The following MS4A14 variants were observed in gnomAD, a reference collection of about 807,000 sequenced individuals.
The protein encoded by MS4A14 is membrane spanning 4-domains A14.
A neutral mutation model predicts 16.7 loss-of-function variants in MS4A14; 18 were observed. That is an observed-to-expected ratio of 1.08 (90% confidence interval 0.75 to 1.60). The LOEUF is 1.60. Among genes scored for constraint, MS4A14 ranks in the 40% most tolerant of loss-of-function variants. MS4A14 has a pLI of 0.00. For synonymous variants in MS4A14, 305 were observed against 289.4 expected (o/e 1.05, Z -0.55); for missense variants, 812 against 775.3 (o/e 1.05, Z -0.56).
chr11:60,401,956 G>C (rs2085719820), intron 3 of MS4A14, among the ~76,000 whole-genome samples: 1 of 152,182 alleles, frequency 6.6e-6, no homozygotes, highest in African/African-American at 2.4e-5. Context: ...TTCCAGAAAG[G>C]ACTGGCTGTG....
At position 60,399,802 on chromosome 11, in the gene MS4A14, T is replaced by C. The variant is rs918294746; in HGVS notation, c.268-602T>C. Reference sequence around the variant, plus strand: ...GTATCAAAGGTAACTTTCTGATCTCTGCAAGTCAGCTGCAGATCCTTGGAC... The same window carrying C: ...GTATCAAAGGTAACTTTCTGATCTCCGCAAGTCAGCTGCAGATCCTTGGAC... On this transcript the variant is annotated intron_variant, in intron 2 of 4. Coordinates refer to ENST00000300187, the MANE Select transcript of MS4A14 (RefSeq NM_032597.5). Among the ~76,000 whole-genome samples, 4 of 152,240 alleles carry C rather than the reference T, an allele frequency of 2.6e-5. No individual in the cohort carries two copies. The East Asian group carries it at 7.7e-4, about 29-fold the overall frequency.
chr11:60,406,032 G>A, intron 4 of MS4A14: 1 of 1,221,910 alleles, frequency 8.2e-7, no homozygotes, highest in Non-Finnish European at 1.1e-6. Flanking sequence ...ACAGGTTCCT[G>A]TTCCTGTTGG....
intron 4 of MS4A14, among the ~76,000 whole-genome samples, chr11:60,411,094 C>T (rs1421052666): frequency 6.6e-6 from 1 of 152,218 alleles, no homozygotes; most frequent in Admixed American, 6.5e-5. Flanking sequence ...GATCCACCCG[C>T]CTCGGCCTCC....
In MS4A14 at chr11:60,397,905, A is replaced by C. The variant is rs759827441; in HGVS notation, c.192A>C (p.Ala64=). The change falls in exon 2 of 5, where the codon GCA becomes GCC. Residue 64 remains alanine (A), a synonymous_variant. Transcript: ENST00000300187. ...LIIVGFGTIF[A]LNYIGFSQRL... ...TTGTGGGCTTTGGAACTATATTTGCACTTAATTACATCGGTTTCTCCCAAA... is the reference window on the plus strand; with the variant it reads ...TTGTGGGCTTTGGAACTATATTTGCCCTTAATTACATCGGTTTCTCCCAAA... 1.2e-6 allele frequency: 2 copies of C among 1,613,370 alleles called. No individual in the cohort carries two copies. Among genetic ancestry groups the C allele is most frequent in the Non-Finnish European group, 1.7e-6 (2 of 1,179,516 alleles).
chr11:60,415,436 G>T lies in MS4A14; in HGVS notation c.469-1G>T. ...AATTACCCTCATCCTTGCTTTTATA[G>T]GTTCTGTTTTTCTTGCCTTCGGATG... is the stretch of plus-strand genomic sequence containing the variant. On this transcript the variant is annotated splice_acceptor_variant, in intron 4 of 4. Transcript: ENST00000300187. LOFTEE classifies it high-confidence loss of function. The T allele has an allele frequency of 1.9e-6, 3 of 1,594,450 alleles. No individual in the cohort carries two copies. The highest frequency in any genetic ancestry group is 2.6e-6 in the Non-Finnish European group (3 of 1,172,690).
In MS4A14 at chr11:60,416,177, A is replaced by G. The variant is rs2135156954; in HGVS notation, c.1209A>G (p.Gln403=). 1 of 1,613,620 alleles carries G rather than the reference A, an allele frequency of 6.2e-7. No homozygotes were observed. The highest frequency in any genetic ancestry group is 1.3e-5 in the African/African-American group (1 of 74,988). Residue 403 remains glutamine (Q), a synonymous_variant, in exon 5 of 5, where the codon CAA becomes CAG. Coordinates refer to ENST00000300187, the MANE Select transcript of MS4A14 (RefSeq NM_032597.5). ...TGCCACCTCAAGACATACCTTCCCA[A>G]GATATGCTATCCCAAGCTCTATCAG... ...HAMPPQDIPS[Q]DMLSQALSAH... is the part of the protein sequence containing the mutation.
chr11:60,398,543 C>T (rs1006732766), intron 2 of MS4A14, among the ~76,000 whole-genome samples: 1 of 152,150 alleles, frequency 6.6e-6, no homozygotes, highest in African/African-American at 2.4e-5. Context: ...TAAGGACAGA[C>T]TCATTAGAGC....
At chr11:60,399,706 G>A (rs1381012869) in intron 2 of MS4A14, among the ~76,000 whole-genome samples, 2 of 152,158 alleles carry the variant, frequency 1.3e-5, no homozygotes. Context: ...GAGATGGAGA[G>A]CCTTGAGAGT....
At chr11:60,405,988 G>A (rs1456813482) in intron 4 of MS4A14, 3 of 1,505,484 alleles carry the variant, frequency 2.0e-6, no homozygotes, top group East Asian at 2.5e-5. Flanking sequence ...GTCAGATGAG[G>A]TGTGTTCTGA....
intron 4 of MS4A14, among the ~76,000 whole-genome samples, chr11:60,411,028 TAG>T (rs1467939492): frequency 6.6e-6 from 1 of 152,100 alleles, no homozygotes; most frequent in African/African-American, 2.4e-5. Context: ...GTATTTTTAG[TAG>T]AGACGAGGTT....
At chr11:60,397,360 T>G (rs2085641504) in intron 1 of MS4A14, among the ~76,000 whole-genome samples, 1 of 152,116 alleles carries the variant, frequency 6.6e-6, no homozygotes, top group African/African-American at 2.4e-5. Context: ...GGTTCTCCAC[T>G]CTATGTCATC....
intron 4 of MS4A14, among the ~76,000 whole-genome samples, chr11:60,410,846 T>C (rs1416781935): frequency 1.3e-5 from 2 of 151,856 alleles, no homozygotes; most frequent in Non-Finnish European, 2.9e-5. Flanking sequence ...TTTTTTTGTT[T>C]GTTTTTTGTT....
Position 60,416,960 on chromosome 11 carries a change from A to G in MS4A14, c.1992A>G (p.Gly664=). ...TCCACAAAGGCAATCTCCAGGCTGGACAACCCAGGACTGTCAATCTTTTGG... is the reference window on the plus strand; with the variant it reads ...TCCACAAAGGCAATCTCCAGGCTGGGCAACCCAGGACTGTCAATCTTTTGG... ...WQFHKGNLQA[G]QPRTVNLLAK... is the part of the protein sequence containing the mutation. Residue 664 remains glycine, a synonymous_variant, in exon 5 of 5, where the codon GGA becomes GGG. Transcript: ENST00000300187. 6.2e-7 allele frequency: 1 copy of G among 1,613,456 alleles called. No homozygotes were observed. The highest frequency in any genetic ancestry group is 8.5e-7 in the Non-Finnish European group (1 of 1,179,618).
intron 3 of MS4A14, among the ~76,000 whole-genome samples, chr11:60,401,634 TAAC>T (rs1429196536): frequency 2.6e-5 from 4 of 152,178 alleles, no homozygotes; most frequent in Admixed American, 6.5e-5. Context: ...AAAATGTGGA[TAAC>T]AACAAGTGTC....
chr11:60,416,582 A>T lies in MS4A14; in HGVS notation c.1614A>T (p.Lys538Asn). 6.2e-7 allele frequency: 1 copy of T among 1,613,922 alleles called. No homozygotes were observed. Among genetic ancestry groups the T allele is most frequent in the Middle Eastern group, 1.6e-4 (1 of 6,062 alleles). ...AGAAATCCTTAGACCAGCAAATCAAAGACTGGCTATCCCCAAAGAGGCACT... is the reference window on the plus strand; with the variant it reads ...AGAAATCCTTAGACCAGCAAATCAATGACTGGCTATCCCCAAAGAGGCACT... ...PKQKSLDQQI[K>N]DWLSPKRHSV... The change falls in exon 5 of 5, where the codon AAA becomes AAT. Residue 538 changes from lysine to asparagine, a missense_variant. Lys to Asn is a moderately conservative substitution (Grantham distance 94). Transcript: ENST00000300187.
chr11:60,415,561 A>G lies in MS4A14; in HGVS notation c.593A>G (p.Gln198Arg). The G allele has an allele frequency of 6.2e-7, 1 of 1,613,800 alleles. No homozygotes were observed. The highest frequency in any genetic ancestry group is 1.1e-5 in the South Asian group (1 of 91,058). Residue 198 changes from glutamine to arginine, a missense_variant, in exon 5 of 5, where the codon CAA becomes CGA. Gln to Arg is a conservative substitution (Grantham distance 43). Coordinates refer to ENST00000300187, the MANE Select transcript of MS4A14 (RefSeq NM_032597.5). Reference sequence around the variant, plus strand: ...AGTGATGATTCAACAACAAATGCACAATCTGTTATCTTTGGAGGCTATGCT... The same window carrying G: ...AGTGATGATTCAACAACAAATGCACGATCTGTTATCTTTGGAGGCTATGCT... The part of the protein sequence containing the change: ...FSSDDSTTNA[Q>R]SVIFGGYAFF...
intron 4 of MS4A14, among the ~76,000 whole-genome samples, chr11:60,409,760 T>A (rs79198360): frequency 0.019 from 2,918 of 151,656 alleles, 40 homozygotes; most frequent in Non-Finnish European, 0.028. Flanking sequence ...TCATATTTGT[T>A]TTTATCATGG....
chr11:60,403,304 T>C (rs1356772673), intron 4 of MS4A14: 1 of 475,038 alleles, frequency 2.1e-6, no homozygotes, highest in Admixed American at 3.4e-5. Flanking sequence ...AGCTTCGGTT[T>C]TCCTCAAGTG....
chr11:60,414,486 T>C (rs772830579), intron 4 of MS4A14, among the ~76,000 whole-genome samples: 2 of 152,100 alleles, frequency 1.3e-5, no homozygotes, highest in Non-Finnish European at 2.9e-5. Flanking sequence ...ATTCTGACTA[T>C]GAATTATCTC....
Sources: allele counts gnomAD v4.1 joint callset (sites outside exome capture counted in the v4.1 genomes callset), GRCh38; gene constraint gnomAD v4.1.1; transcripts MANE v1.5; gene names NCBI Gene and HGNC (gene_info 2026-07-23, HGNC 2026-07-21).